The following HGD variants were observed in gnomAD, a reference collection of about 807,000 sequenced individuals.
HGD encodes homogentisate 1,2-dioxygenase.
A neutral mutation model predicts 60.8 loss-of-function variants in HGD; 61 were observed. The ratio of observed to expected loss-of-function variants is 1.00; its 90% confidence interval spans 0.82 to 1.24. The LOEUF is 1.24. Ranked by LOEUF, HGD falls within the 50% of genes most tolerant of loss-of-function variation. HGD has a pLI of 0.00. For synonymous variants in HGD, 212 were observed against 187.7 expected (o/e 1.13, Z -1.06); for missense variants, 542 against 547.1 (o/e 0.99, Z 0.09).
rs376051958 is a variant in HGD, at chr3:120,628,348, C to T, written c.*32G>A. The T allele has an allele frequency of 4.2e-5, 67 of 1,609,284 alleles. No homozygotes were observed. In the African/African-American group the frequency reaches 9.0e-4, roughly 22 times the overall value. On this transcript the variant is annotated 3_prime_UTR_variant, in exon 14 of 14. Transcript: ENST00000283871. ...AGATTCTGAAGAAATCTTCACAAAT[C>T]TACTCTTAATTATGGTAGCAATGTT... is the stretch of plus-strand genomic sequence containing the variant.
chr3:120,631,861 C>A (rs1041836667), intron 13 of HGD, among the ~76,000 whole-genome samples: 1 of 152,148 alleles, frequency 6.6e-6, no homozygotes, highest in Non-Finnish European at 1.5e-5. Context: ...ACTAGTAATT[C>A]AAAGTATTGC....
intron 4 of HGD, among the ~76,000 whole-genome samples, chr3:120,666,189 CAG>C (rs1707895938): frequency 6.6e-6 from 1 of 152,158 alleles, no homozygotes; most frequent in Non-Finnish European, 1.5e-5. Flanking sequence ...CCGGTGTTCA[CAG>C]AGACACTGAG....
At chr3:120,637,551 G>A (rs1940823096) in intron 12 of HGD, among the ~76,000 whole-genome samples, 1 of 152,018 alleles carries the variant, frequency 6.6e-6, no homozygotes, top group Admixed American at 6.6e-5. Context: ...CTTAATGCAG[G>A]CTGCAGTCTG....
intron 4 of HGD, among the ~76,000 whole-genome samples, chr3:120,655,767 CTT>C: frequency 6.6e-6 from 1 of 152,214 alleles, no homozygotes; most frequent in Non-Finnish European, 1.5e-5. Flanking sequence ...GCACTGAAGA[CTT>C]GGTTTTTGCT....
intron 1 of HGD, 54 bp downstream of exon 1, chr3:120,682,043 T>G: frequency 6.4e-7 from 1 of 1,569,012 alleles, no homozygotes; most frequent in Non-Finnish European, 8.8e-7. Context: ...TCTCAGAAAC[T>G]TCCATAAATT....
At chr3:120,644,237 G>A (rs1341030935) in intron 10 of HGD, 82 bp downstream of exon 10, 1 of 1,542,376 alleles carries the variant, frequency 6.5e-7, no homozygotes, top group Admixed American at 1.7e-5. Flanking sequence ...TATATGTAAA[G>A]TTTGTAACAC....
At chr3:120,630,139 G>A (rs555464170) in intron 13 of HGD, among the ~76,000 whole-genome samples, 1 of 152,154 alleles carries the variant, frequency 6.6e-6, no homozygotes, top group African/African-American at 2.4e-5. Flanking sequence ...ACAAACAAAT[G>A]GAAAAACTTT....
chr3:120,658,421 C>T (rs369249201), intron 4 of HGD, among the ~76,000 whole-genome samples: 54 of 152,328 alleles, frequency 3.5e-4, no homozygotes, highest in South Asian at 3.1e-3. Flanking sequence ...GACCTAATGT[C>T]CCACATCCAG....
At chr3:120,634,650 A>C (rs1157640803) in intron 12 of HGD, among the ~76,000 whole-genome samples, 1 of 152,252 alleles carries the variant, frequency 6.6e-6, no homozygotes, top group Non-Finnish European at 1.5e-5. Context: ...GAGTACTGAG[A>C]GGGCAAACCA....
intron 4 of HGD, among the ~76,000 whole-genome samples, chr3:120,654,281 G>T (rs574055735): frequency 1.3e-5 from 2 of 152,240 alleles, no homozygotes; most frequent in East Asian, 1.9e-4. Flanking sequence ...TAATCTTTTA[G>T]CTCTATCCAG....
Position 120,646,372 on chromosome 3 carries a change from A to G in HGD, c.550-6T>C. The G allele has an allele frequency of 1.9e-6, 3 of 1,589,390 alleles. No homozygotes were observed. The highest frequency in any genetic ancestry group is 8.6e-7 in the Non-Finnish European group (1 of 1,157,596). On this transcript the variant is annotated splice_region_variant and splice_polypyrimidine_tract_variant and intron_variant, in intron 8 of 13. Transcript: ENST00000283871. ...ATGCTGAACCGCATTCCTCTCTGGA[A>G]TGGAAAGCAGACACTGGTGTGCCCT...
At chr3:120,675,657 C>T in intron 2 of HGD, 135 bp downstream of exon 2, 1 of 727,432 alleles carries the variant, frequency 1.4e-6, no homozygotes. Context: ...TTCATTGCCC[C>T]TATGACTTGG....
chr3:120,662,934 G>A (rs900490893), intron 4 of HGD, among the ~76,000 whole-genome samples: 9 of 152,134 alleles, frequency 5.9e-5, no homozygotes, highest in African/African-American at 2.2e-4. Context: ...AATCTGATAT[G>A]ATTGTTGTCC....
intron 11 of HGD, among the ~76,000 whole-genome samples, chr3:120,640,134 G>A (rs1163438325): frequency 6.8e-6 from 1 of 147,590 alleles, no homozygotes; most frequent in African/African-American, 2.5e-5. Flanking sequence ...AGAGAGAAAG[G>A]AAGGAAGGAA....
chr3:120,678,088 T>C (rs1708166456), intron 1 of HGD: 1 of 152,212 alleles, frequency 6.6e-6, no homozygotes, highest in South Asian at 2.1e-4. Context: ...ATATTTTGTA[T>C]ATTTGAAAAT....
intron 9 of HGD, 86 bp downstream of exon 9, chr3:120,646,181 C>A (rs776767629): frequency 5.7e-6 from 5 of 872,250 alleles, no homozygotes; most frequent in Admixed American, 1.7e-5. Context: ...AGTGAGACAG[C>A]GAAGGGAGAA....
chr3:120,661,031 A>G (rs1018540717), intron 4 of HGD, among the ~76,000 whole-genome samples: 1 of 152,208 alleles, frequency 6.6e-6, no homozygotes, highest in African/African-American at 2.4e-5. Context: ...GAGGCTCCCT[A>G]TGATTATTAT....
At chr3:120,671,114 C>T (rs1257948757) in intron 3 of HGD, among the ~76,000 whole-genome samples, 5 of 152,248 alleles carry the variant, frequency 3.3e-5, no homozygotes, top group East Asian at 1.9e-4. Flanking sequence ...CAGGGCTATT[C>T]CTCAGAGGCA....
intron 6 of HGD, among the ~76,000 whole-genome samples, chr3:120,648,813 T>C (rs941746045): frequency 7.2e-5 from 11 of 152,220 alleles, no homozygotes; most frequent in African/African-American, 2.7e-4. Flanking sequence ...CATATTTGGC[T>C]CAGAATACAT....
Sources: gnomAD v4.1 joint callset for allele counts (sites outside exome capture counted in the v4.1 genomes callset) on GRCh38, gnomAD v4.1.1 for gene constraint, MANE v1.5 for transcripts, NCBI Gene and HGNC (gene_info 2026-07-23, HGNC 2026-07-21) for gene names.